DNAJC5: variants seen among roughly 807,000 people sequenced by gnomAD.
DNAJC5 encodes DnaJ heat shock protein family (Hsp40) member C5.
Under a neutral mutation model 23.2 loss-of-function variants are expected in DNAJC5, and 1 was observed. The observed-to-expected ratio is 0.04, with a 90% CI of 0.02 to 0.20. DNAJC5 has a LOEUF of 0.20. DNAJC5 is among the 10% of genes least tolerant of loss of function. The pLI, the probability that DNAJC5 is intolerant of heterozygous loss-of-function variation, is 1.00. For missense variants in DNAJC5, 180 were observed against 267.0 expected (o/e 0.67, Z 2.27); for synonymous variants, 136 against 120.0 (o/e 1.13, Z -0.87).
chr20:63,903,497 C>T (rs1439040769), intron 1 of DNAJC5, among the ~76,000 whole-genome samples: 3 of 152,104 alleles, frequency 2.0e-5, no homozygotes, highest in Middle Eastern at 3.4e-3. Context: ...TTAGTAGAGA[C>T]GGGGTTTCAC....
At chr20:63,921,472 T>A (rs936187851) in intron 1 of DNAJC5, among the ~76,000 whole-genome samples, 1 of 151,504 alleles carries the variant, frequency 6.6e-6, no homozygotes, top group African/African-American at 2.4e-5. Context: ...GTGCCTGTAG[T>A]CCCAGCTACT....
chr20:63,926,534 T>C (rs775205604), intron 1 of DNAJC5, among the ~76,000 whole-genome samples: 57 of 152,368 alleles, frequency 3.7e-4, no homozygotes, highest in Non-Finnish European at 7.3e-4. Context: ...CTGTGTCTCT[T>C]TCTAAAGGAG....
chr20:63,912,623 C>T (rs749442337), intron 1 of DNAJC5, among the ~76,000 whole-genome samples: 2 of 152,064 alleles, frequency 1.3e-5, no homozygotes, highest in African/African-American at 2.4e-5. Flanking sequence ...GTTTTTGAGA[C>T]GGAGTCTCGC....
intron 1 of DNAJC5, among the ~76,000 whole-genome samples, chr20:63,913,299 C>G (rs527707202): frequency 4.6e-5 from 7 of 152,264 alleles, no homozygotes; most frequent in African/African-American, 1.7e-4. Flanking sequence ...TTGTCTCCTT[C>G]CCTCTCCTCC....
chr20:63,913,066 C>T (rs1253476392), intron 1 of DNAJC5, among the ~76,000 whole-genome samples: 1 of 151,316 alleles, frequency 6.6e-6, no homozygotes, highest in Non-Finnish European at 1.5e-5. Flanking sequence ...AGAGGTAGTT[C>T]CCTGCCCCGT....
intron 1 of DNAJC5, among the ~76,000 whole-genome samples, chr20:63,899,390 T>G (rs952920126): frequency 6.6e-6 from 1 of 150,904 alleles, no homozygotes; most frequent in Non-Finnish European, 1.5e-5. Context: ...GTGTAGATTT[T>G]GTCTCTCATC....
rs569988920 is a variant in DNAJC5 at position 63,898,017 on chromosome 20, G to A, written c.-12+2694G>A. On this transcript the variant is annotated intron_variant, in intron 1 of 4. Coordinates refer to ENST00000360864, the MANE Select transcript of DNAJC5 (RefSeq NM_025219.3). Reference sequence around the variant, plus strand: ...CCTTGCTTGGAGGGTGGATACCACTGAGCCTGGTTGTACAGCTGCCTCCGT... The same window carrying A: ...CCTTGCTTGGAGGGTGGATACCACTAAGCCTGGTTGTACAGCTGCCTCCGT... Among the ~76,000 whole-genome samples the A allele has an allele frequency of 4.6e-5, 7 of 152,314 alleles. No individual in the cohort carries two copies. The South Asian group carries it at 1.4e-3, about 32-fold the overall frequency.
intron 1 of DNAJC5, among the ~76,000 whole-genome samples, chr20:63,910,899 G>C (rs752715273): frequency 1.2e-4 from 19 of 152,108 alleles, no homozygotes; most frequent in Non-Finnish European, 2.6e-4. Context: ...TCTATCTCCT[G>C]ACCTCATGAT....
chr20:63,911,541 C>T (rs369672504), intron 1 of DNAJC5, among the ~76,000 whole-genome samples: 5 of 152,268 alleles, frequency 3.3e-5, no homozygotes, highest in Non-Finnish European at 4.4e-5. Context: ...TGGTGATGGT[C>T]GTGGAAGCAG....
intron 1 of DNAJC5, among the ~76,000 whole-genome samples, chr20:63,912,275 C>T (rs867764369): frequency 2.1e-5 from 3 of 143,526 alleles, no homozygotes; most frequent in Admixed American, 1.4e-4. Flanking sequence ...TGCACTCCAG[C>T]GTGGGCGACA....
rs776598152 is a variant in DNAJC5 at position 63,929,501 on chromosome 20, C to T, written c.297C>T (p.Phe99=). The T allele has an allele frequency of 1.1e-5, 17 of 1,613,934 alleles. No individual in the cohort carries two copies. The highest frequency in any genetic ancestry group is 6.7e-5 in the Admixed American group (4 of 60,010). The change falls in exon 3 of 5, where the codon TTC becomes TTT. Residue 99 remains phenylalanine (F), a synonymous_variant. Coordinates refer to ENST00000360864, the MANE Select transcript of DNAJC5 (RefSeq NM_025219.3). This position sits in a 1 kb window ranked among gnomAD's most constrained non-coding sequence, Gnocchi z 8.6. ...QFGEENVNTY[F]VLSSWWAKAL... The stretch of plus-strand genomic sequence containing the variant: ...GGGAAGAGAACGTGAACACCTACTT[C>T]GTGCTGTCCAGCTGGTGGGCCAAGG...
At chr20:63,909,856 C>G (rs952533147) in intron 1 of DNAJC5, among the ~76,000 whole-genome samples, 1 of 152,222 alleles carries the variant, frequency 6.6e-6, no homozygotes, top group Non-Finnish European at 1.5e-5. Flanking sequence ...AGGGCGTGCA[C>G]CAGACCAGAA....
In DNAJC5 at chr20:63,934,166, A is replaced by G. The variant is rs2053697728; in HGVS notation, c.*2598A>G. On this transcript the variant is annotated 3_prime_UTR_variant, in exon 5 of 5. Transcript: ENST00000360864. ...TCAGCGCTCTGCCCTGTTGGCTTTA[A>G]GGCTTTGTCTTAATTTAAGGAAAAA... The G allele has an allele frequency of 6.6e-6, 1 of 152,140 alleles. No individual in the cohort carries two copies. Among genetic ancestry groups the G allele is most frequent in the Non-Finnish European group, 1.5e-5 (1 of 68,024 alleles). 9.4% of individuals were successfully genotyped at this position (152,140 alleles called of 1,614,324 possible).
At chr20:63,899,290 A>G (rs2053394070) in intron 1 of DNAJC5, among the ~76,000 whole-genome samples, 1 of 152,182 alleles carries the variant, frequency 6.6e-6, no homozygotes, top group Non-Finnish European at 1.5e-5. Flanking sequence ...AGATAATGAC[A>G]TCCCTGAAGA....
At position 63,931,358 on chromosome 20, in the gene DNAJC5, C is replaced by A; in HGVS notation, c.494-107C>A. 2 of 1,100,258 alleles carry A rather than the reference C, an allele frequency of 1.8e-6. No individual in the cohort carries two copies. The highest frequency in any genetic ancestry group is 2.7e-6 in the Non-Finnish European group (2 of 751,410). The allele number at this position is 1,100,258 out of a possible 1,614,324, so 68.2% of individuals were successfully genotyped here. ...GGGTGGAGGTCAGCGAGTAGCCTCTCCCGGTGGAGAGTTTGTCCAGGTGCC... is the reference window on the plus strand; with the variant it reads ...GGGTGGAGGTCAGCGAGTAGCCTCTACCGGTGGAGAGTTTGTCCAGGTGCC... On this transcript the variant is annotated intron_variant, in intron 4 of 4. Transcript: ENST00000360864. This position sits in a 1 kb window ranked among gnomAD's most constrained non-coding sequence, Gnocchi z 9.6.
chr20:63,925,894 C>A (rs1324157397), intron 1 of DNAJC5, among the ~76,000 whole-genome samples: 1 of 142,002 alleles, frequency 7.0e-6, no homozygotes, highest in Non-Finnish European at 1.5e-5. Flanking sequence ...GTGGTGCGAT[C>A]TCTGCTCACT....
At chr20:63,898,709 C>T (rs1012843691) in intron 1 of DNAJC5, among the ~76,000 whole-genome samples, 5 of 152,042 alleles carry the variant, frequency 3.3e-5, no homozygotes, top group Non-Finnish European at 5.9e-5. Context: ...GGTGTGGTGG[C>T]GGGCACCTGT....
rs556464078 is a variant in DNAJC5 at position 63,911,742 on chromosome 20, C to T, written c.-12+16419C>T. Among the ~76,000 whole-genome samples, 21 of 151,758 alleles carry T rather than the reference C, an allele frequency of 1.4e-4. No homozygotes were observed. The South Asian group carries it at 2.3e-3, about 17-fold the overall frequency. On this transcript the variant is annotated intron_variant, in intron 1 of 4. Transcript: ENST00000360864. ...AGGCTGGAGTGCGGTGGCGCGATCT[C>T]GGCTCCCTGCAGCCTTGACCTCCTG...
At chr20:63,915,140 C>T (rs948081470) in intron 1 of DNAJC5, among the ~76,000 whole-genome samples, 1 of 152,122 alleles carries the variant, frequency 6.6e-6, no homozygotes, top group African/African-American at 2.4e-5. Flanking sequence ...CAGATAGGAG[C>T]TGGTCCGTAT....
Sources: allele counts gnomAD v4.1 joint callset (sites outside exome capture counted in the v4.1 genomes callset), GRCh38; gene constraint gnomAD v4.1.1; non-coding constraint Gnocchi (gnomAD v3.1); transcripts MANE v1.5; gene names NCBI Gene and HGNC (gene_info 2026-07-23, HGNC 2026-07-21).